The following SERAC1 variants were observed in gnomAD, a reference collection of about 807,000 sequenced individuals.
SERAC1 encodes the protein protein SERAC1.
In SERAC1, 36 loss-of-function variants were observed where a neutral mutation model predicts 85.7. The observed-to-expected ratio is 0.42, with a 90% confidence interval of 0.32 to 0.55. The LOEUF (loss-of-function observed/expected upper bound fraction) is 0.55. Among genes scored for constraint, SERAC1 ranks in the 20% least tolerant of loss-of-function variants. SERAC1 has a pLI of 0.11. For missense variants in SERAC1, 629 were observed against 796.2 expected (o/e 0.79, Z 2.53); for synonymous variants, 242 against 265.3 (o/e 0.91, Z 0.85).
chr6:158,154,971 G>A lies in SERAC1; in HGVS notation c.128+344C>T, dbSNP rs1265320039. Among the ~76,000 whole-genome samples the A allele has an allele frequency of 2.6e-5, 4 of 151,970 alleles. No homozygotes were observed. The East Asian group carries it at 5.8e-4, about 22-fold the overall frequency. On this transcript the variant is annotated intron_variant, in intron 3 of 16. Transcript: ENST00000647468. ...TGATTTAAGTGCGCCGGAGCTGAGT[G>A]AGTGCCCAATTTAAGCCTGCCGGAG...
intron 14 of SERAC1, 60 bp from the exon 15 acceptor site, chr6:158,115,031 TAAAA>T (rs1257505542): frequency 1.3e-6 from 2 of 1,516,628 alleles, no homozygotes; most frequent in Non-Finnish European, 1.8e-6. Context: ...TTTATTACTG[TAAAA>T]AAAGAAAAGG....
At position 158,148,950 on chromosome 6, in the gene SERAC1, A is replaced by G. The variant is rs1785138059; in HGVS notation, c.270T>C (p.Ile90=). The G allele has an allele frequency of 1.2e-6, 2 of 1,601,222 alleles. No individual in the cohort carries two copies. The highest frequency in any genetic ancestry group is 2.3e-5 in the South Asian group (2 of 88,286). ...GAAGTTCTTTTCTTGCCTGCCAGGCAATACCTAAAATGATTATAAAATTAA... is the reference window on the plus strand; with the variant it reads ...GAAGTTCTTTTCTTGCCTGCCAGGCGATACCTAAAATGATTATAAAATTAA... ...VSLDKGENHG[I]AWQARKELHK... Residue 90 remains isoleucine, a synonymous_variant, in exon 5 of 17, where the codon ATT becomes ATC. Coordinates refer to ENST00000647468, the MANE Select transcript of SERAC1 (RefSeq NM_032861.4).
chr6:158,161,425 G>A (rs1200657198), intron 1 of SERAC1: 1 of 151,688 alleles, frequency 6.6e-6, no homozygotes, highest in Non-Finnish European at 1.5e-5. Flanking sequence ...TGGAATTCTG[G>A]GTTTAGAATT....
intron 14 of SERAC1, 48 bp from the exon 15 acceptor site, chr6:158,115,019 C>T: frequency 6.5e-7 from 1 of 1,538,720 alleles, no homozygotes; most frequent in Non-Finnish European, 8.7e-7. Flanking sequence ...ATTTTCCTTC[C>T]CTTTATTACT....
At chr6:158,155,492 T>C (rs1046989111) in intron 2 of SERAC1, 141 bp from the exon 3 acceptor site, 2 of 567,042 alleles carry the variant, frequency 3.5e-6, no homozygotes, top group African/African-American at 3.7e-5. Context: ...TCAGTTGCTA[T>C]TAATAAATGG....
chr6:158,113,195 T>A (rs945126002), intron 16 of SERAC1: 3 of 433,422 alleles, frequency 6.9e-6, no homozygotes, highest in Non-Finnish European at 1.2e-5. Flanking sequence ...TCACTGTTGA[T>A]GCCTAACTTA....
intron 10 of SERAC1, among the ~76,000 whole-genome samples, chr6:158,126,992 G>T (rs1562440223): frequency 6.6e-6 from 1 of 151,678 alleles, no homozygotes. Context: ...GTTTAAGGCT[G>T]TAGTGAGCTA....
chr6:158,117,872 A>G lies in SERAC1; in HGVS notation c.1309-51T>C, dbSNP rs760498169. On this transcript the variant is annotated intron_variant, in intron 12 of 16. Coordinates refer to ENST00000647468, the MANE Select transcript of SERAC1 (RefSeq NM_032861.4). This position sits in a 1 kb window ranked among gnomAD's most constrained non-coding sequence, Gnocchi z 4.3. ...AACAAGTATGAATCTTCACCACTGC[A>G]ATTACTGCCTAGTAAATCAAATTTA... 5.8e-6 allele frequency: 8 copies of G among 1,386,586 alleles called. No homozygotes were observed. Among genetic ancestry groups the G allele is most frequent in the Non-Finnish European group, 8.2e-6 (8 of 979,772 alleles). 85.9% of individuals were successfully genotyped at this position (1,386,586 alleles called of 1,614,324 possible).
In SERAC1 at chr6:158,158,274, G is replaced by T. The variant is rs750107282; in HGVS notation, c.90C>A (p.Ile30=). The T allele has an allele frequency of 1.3e-6, 2 of 1,599,722 alleles. No homozygotes were observed. The highest frequency in any genetic ancestry group is 2.2e-5 in the South Asian group (2 of 90,694). The part of the protein sequence containing the change: ...PPKSGTHWRD[I]RNIIKFTGSL... ...AAGAGTTGTTTAAGCTGTACTCACT[G>T]ATATCTCTCCAGTGTGTGCCACTTT... The change falls in exon 2 of 17, where the codon ATC becomes ATA. Residue 30 remains isoleucine, a splice_region_variant and synonymous_variant. Coordinates refer to ENST00000647468, the MANE Select transcript of SERAC1 (RefSeq NM_032861.4).
At position 158,144,339 on chromosome 6, in the gene SERAC1, C is replaced by T. The variant is rs1488035953; in HGVS notation, c.569G>A (p.Arg190His). The T allele has an allele frequency of 7.4e-6, 12 of 1,612,854 alleles. No individual in the cohort carries two copies. The highest frequency in any genetic ancestry group is 2.2e-5 in the South Asian group (2 of 90,946). The change falls in exon 7 of 17, where the codon CGC becomes CAC. Residue 190 changes from arginine to histidine, a missense_variant. Transcript: ENST00000647468. Reference sequence around the variant, plus strand: ...CAAAGGAGGTGGTAGGAGAAAAAAGCGAAGATCACTCTCTTCGCTTCGTGC... The same window carrying T: ...CAAAGGAGGTGGTAGGAGAAAAAAGTGAAGATCACTCTCTTCGCTTCGTGC... ...GLARSEESDLRFFLLPPPLPS... is the reference protein window; with the variant it reads ...GLARSEESDLHFFLLPPPLPS...
intron 8 of SERAC1, 96 bp downstream of exon 8, chr6:158,142,960 G>T: frequency 2.1e-6 from 2 of 966,734 alleles, no homozygotes; most frequent in Non-Finnish European, 3.2e-6. Context: ...AAGTTAGCAT[G>T]TTTACTCAGT....
chr6:158,158,436 A>T, intron 1 of SERAC1, 72 bp from the exon 2 acceptor site: 1 of 1,150,040 alleles, frequency 8.7e-7, no homozygotes, highest in Non-Finnish European at 1.3e-6. Flanking sequence ...AACTACAAGA[A>T]CATGTTACCA....
Position 158,117,405 on chromosome 6 carries a change from G to GACAC in SERAC1, c.1403+318_1403+321dup, listed in dbSNP as rs142977201. 3,428 of 998,164 alleles carry GACAC rather than the reference G, an allele frequency of 3.4e-3. 91 individuals are homozygous for GACAC. In the African/African-American group the frequency reaches 0.05, roughly 14 times the overall value. 61.8% of individuals were successfully genotyped at this position (998,164 alleles called of 1,614,324 possible). On this transcript the variant is annotated intron_variant, in intron 13 of 16. Coordinates refer to ENST00000647468, the MANE Select transcript of SERAC1 (RefSeq NM_032861.4). This position sits in a 1 kb window ranked among gnomAD's most constrained non-coding sequence, Gnocchi z 4.3. ...GCTTCCTTTAGCCAGTATGATTGTG[G>GACAC]ACACAAGAACAAAAAAACATCACTT...
At chr6:158,133,802 G>A (rs911464285) in intron 8 of SERAC1, among the ~76,000 whole-genome samples, 1 of 152,142 alleles carries the variant, frequency 6.6e-6, no homozygotes, top group Non-Finnish European at 1.5e-5. Flanking sequence ...AGGGTCCTTA[G>A]GGGTATGGGG....
chr6:158,123,421 T>C, intron 10 of SERAC1, among the ~76,000 whole-genome samples: 1 of 152,208 alleles, frequency 6.6e-6, no homozygotes, highest in East Asian at 1.9e-4. Context: ...GTTTGGTTTT[T>C]GTTAGTGAGA....
chr6:158,158,425 T>C, intron 1 of SERAC1, 61 bp from the exon 2 acceptor site: 1 of 1,273,326 alleles, frequency 7.9e-7, no homozygotes, highest in Non-Finnish European at 1.1e-6. Context: ...ACACTTGTTT[T>C]AACTACAAGA....
rs977758146 is a variant in SERAC1, at chr6:158,164,703, G to A, written c.-2+3437C>T. 3.3e-5 allele frequency among the ~76,000 whole-genome samples: 5 copies of A among 152,134 alleles called. No individual in the cohort carries two copies. In the South Asian group the frequency reaches 1.0e-3, roughly 31 times the overall value. On this transcript the variant is annotated intron_variant, in intron 1 of 16. Coordinates refer to ENST00000647468, the MANE Select transcript of SERAC1 (RefSeq NM_032861.4). ...CATTGCCCTGGTGGAGGAAGCCAGAGTGAAACATCATTTCATGCTTTCATT... is the reference window on the plus strand; with the variant it reads ...CATTGCCCTGGTGGAGGAAGCCAGAATGAAACATCATTTCATGCTTTCATT...
chr6:158,159,456 G>A (rs116872857), intron 1 of SERAC1, among the ~76,000 whole-genome samples: 1,934 of 146,072 alleles, frequency 0.013, 21 homozygotes, highest in Non-Finnish European at 0.022. Context: ...CTGAGATTGC[G>A]CCACTGTACT....
chr6:158,116,940 T>C (rs970567752), intron 13 of SERAC1: 2 of 152,822 alleles, frequency 1.3e-5, no homozygotes, highest in African/African-American at 4.8e-5. Flanking sequence ...ATAAACAGGA[T>C]GCTAATAGAA....
Sources: allele counts gnomAD v4.1 joint callset (sites outside exome capture counted in the v4.1 genomes callset), GRCh38; gene constraint gnomAD v4.1.1; non-coding constraint Gnocchi (gnomAD v3.1); transcripts MANE v1.5; gene names NCBI Gene and HGNC (gene_info 2026-07-23, HGNC 2026-07-21).